Variants in MGAT4C observed in about 807,000 individuals in gnomAD.
The protein encoded by MGAT4C is MGAT4 family member C.
MGAT4C carries 19 observed loss-of-function variants against 40.1 expected under a neutral mutation model. That is an observed-to-expected ratio of 0.47 (90% CI 0.33 to 0.70). The LOEUF (loss-of-function observed/expected upper bound fraction) is 0.70, where lower values mean the gene tolerates loss of function less well. Ranked by LOEUF, MGAT4C falls within the 30% of genes least tolerant of loss-of-function variation. The pLI is 0.02. For synonymous variants in MGAT4C, 181 were observed against 187.1 expected, an observed-to-expected ratio of 0.97 and a Z score of 0.27; for missense variants, 491 against 563.2, an observed-to-expected ratio of 0.87 and a Z score of 1.30.
intron 3 of MGAT4C, among the ~76,000 whole-genome samples, chr12:86,423,523 T>C (rs1956870974): frequency 6.6e-6 from 1 of 152,092 alleles, no homozygotes; most frequent in Admixed American, 6.5e-5. Flanking sequence ...TATTGAGTGT[T>C]TGTGTGCAAA....
chr12:86,124,391 T>C (rs1485483239), intron 1 of MGAT4C, among the ~76,000 whole-genome samples: 1 of 152,164 alleles, frequency 6.6e-6, no homozygotes, highest in African/African-American at 2.4e-5. Flanking sequence ...AATGGAAAGA[T>C]ATAACAATAC....
intron 1 of MGAT4C, among the ~76,000 whole-genome samples, chr12:86,811,134 T>C (rs949898839): frequency 1.3e-5 from 2 of 150,882 alleles, no homozygotes; most frequent in African/African-American, 4.8e-5. Context: ...TTCAATGTCA[T>C]TGTTGGCAGG....
At chr12:86,477,170 A>C (rs1957849339) in intron 2 of MGAT4C, among the ~76,000 whole-genome samples, 1 of 151,998 alleles carries the variant, frequency 6.6e-6, no homozygotes, top group Non-Finnish European at 1.5e-5. Context: ...TTATAAGTAA[A>C]ATTGACTTTT....
Position 85,977,657 on chromosome 12 carries a change from A to G in MGAT4C, c.*1632T>C, listed in dbSNP as rs1161620800. On this transcript the variant is annotated 3_prime_UTR_variant, in exon 5 of 5. Coordinates refer to ENST00000611864, the MANE Select transcript of MGAT4C (RefSeq NM_001351288.2). ...CATTTATTTGCAGAGAACGAATAAA[A>G]TAAAAATATCCTAGTGTTGTTTGCA... 1 of 151,494 alleles carries G rather than the reference A, an allele frequency of 6.6e-6. No individual in the cohort carries two copies. The highest frequency in any genetic ancestry group is 2.4e-5 in the African/African-American group (1 of 41,352). 9.4% of individuals were successfully genotyped at this position (151,494 alleles called of 1,614,324 possible).
At chr12:86,269,064 T>G (rs1362249283) in intron 4 of MGAT4C, among the ~76,000 whole-genome samples, 11 of 138,614 alleles carry the variant, frequency 7.9e-5, no homozygotes, top group Admixed American at 4.4e-4. Flanking sequence ...ATATATATTC[T>G]TTTCTTTTAA....
chr12:86,474,147 T>A (rs1458152663), intron 2 of MGAT4C, among the ~76,000 whole-genome samples: 1 of 151,604 alleles, frequency 6.6e-6, no homozygotes, highest in African/African-American at 2.4e-5. Flanking sequence ...ATAGACTGGA[T>A]TAAGAAAATG....
intron 3 of MGAT4C, among the ~76,000 whole-genome samples, chr12:86,347,925 T>C (rs571025477): frequency 6.6e-6 from 1 of 152,320 alleles, no homozygotes; most frequent in South Asian, 2.1e-4. Flanking sequence ...TATTTTATTC[T>C]GTAACAATGT....
intron 1 of MGAT4C, among the ~76,000 whole-genome samples, chr12:86,154,795 T>G (rs1212245207): frequency 1.3e-5 from 2 of 152,206 alleles, no homozygotes; most frequent in African/African-American, 4.8e-5. Context: ...CTGTATCAAT[T>G]TTTCATTTTA....
chr12:86,739,163 A>AAAAAAAAAAAAAAAAAT (rs1951028470), intron 1 of MGAT4C, among the ~76,000 whole-genome samples: 1 of 129,680 alleles, frequency 7.7e-6, no homozygotes, highest in African/African-American at 2.8e-5. Flanking sequence ...AAAAAAAAAA[A>AAAAAAAAAAAAAAAAAT]TCTATGTTAT....
At chr12:86,656,733 A>C (rs1963860562) in intron 2 of MGAT4C, among the ~76,000 whole-genome samples, 1 of 152,074 alleles carries the variant, frequency 6.6e-6, no homozygotes, top group Admixed American at 6.6e-5. Context: ...GTAATAGAAC[A>C]CAAACATCTT....
chr12:86,552,719 TG>T (rs1034892832), intron 2 of MGAT4C, among the ~76,000 whole-genome samples: 3 of 152,052 alleles, frequency 2.0e-5, no homozygotes, highest in Non-Finnish European at 2.9e-5. Flanking sequence ...GTAGAGAATG[TG>T]AAAAAATAAA....
intron 2 of MGAT4C, among the ~76,000 whole-genome samples, chr12:86,463,385 C>A (rs562020353): frequency 6.6e-6 from 1 of 152,106 alleles, no homozygotes; most frequent in Admixed American, 6.5e-5. Flanking sequence ...TGAACAAATT[C>A]TTGCAAGGCC....
chr12:86,281,918 C>T (rs887101257), intron 4 of MGAT4C, among the ~76,000 whole-genome samples: 9 of 152,134 alleles, frequency 5.9e-5, no homozygotes, highest in African/African-American at 2.2e-4. Flanking sequence ...TTAGTGACTT[C>T]ATTTTATTGT....
At chr12:86,452,078 C>A (rs1957432085) in intron 2 of MGAT4C, among the ~76,000 whole-genome samples, 2 of 151,984 alleles carry the variant, frequency 1.3e-5, no homozygotes, top group Admixed American at 1.3e-4. Flanking sequence ...AACTCGTGGG[C>A]AAATCACCTG....
At chr12:86,115,253 G>A (rs1366469681) in intron 1 of MGAT4C, among the ~76,000 whole-genome samples, 1 of 151,892 alleles carries the variant, frequency 6.6e-6, no homozygotes, top group Non-Finnish European at 1.5e-5. Context: ...TGGAGATAAT[G>A]ATATTTTATG....
At chr12:86,166,993 A>G (rs1886262413) in intron 1 of MGAT4C, among the ~76,000 whole-genome samples, 1 of 152,184 alleles carries the variant, frequency 6.6e-6, no homozygotes, top group Admixed American at 6.6e-5. Context: ...TTAAAATTAT[A>G]TACCTTATAT....
chr12:86,752,932 C>G (rs983100344), intron 1 of MGAT4C, among the ~76,000 whole-genome samples: 2 of 152,020 alleles, frequency 1.3e-5, no homozygotes, highest in Non-Finnish European at 1.5e-5. Flanking sequence ...AAATGTCAAA[C>G]CTGAAACAAT....
intron 2 of MGAT4C, among the ~76,000 whole-genome samples, chr12:86,471,898 A>G (rs995654466): frequency 1.3e-5 from 2 of 152,182 alleles, no homozygotes; most frequent in African/African-American, 4.8e-5. Flanking sequence ...TCTAACAATT[A>G]TGGCATTTAT....
chr12:86,038,251 G>C (rs927428497), intron 2 of MGAT4C, among the ~76,000 whole-genome samples: 1 of 149,812 alleles, frequency 6.7e-6, no homozygotes, highest in Non-Finnish European at 1.5e-5. Context: ...CTAGAAGCAA[G>C]GAGCCAGCAA....
Sources: gnomAD v4.1 joint callset for allele counts (sites outside exome capture counted in the v4.1 genomes callset) on GRCh38, gnomAD v4.1.1 for gene constraint, MANE v1.5 for transcripts, NCBI Gene and HGNC (gene_info 2026-07-23, HGNC 2026-07-21) for gene names.